Variants in COMMD1 observed in about 807,000 individuals in gnomAD.
COMMD1 encodes the protein COMM domain-containing protein 1.
In COMMD1, 10 loss-of-function variants were observed where a neutral mutation model predicts 17.2. That is an observed-to-expected ratio of 0.58 (90% confidence interval 0.36 to 0.99). COMMD1 has a LOEUF of 0.99. Ranked by LOEUF, COMMD1 falls within the 50% of genes least tolerant of loss-of-function variation. The probability of loss-of-function intolerance (pLI) is 0.01; values close to 1 mark genes in which losing one functional copy is unlikely to be tolerated. For missense variants in COMMD1, 270 were observed against 231.8 expected (o/e 1.17, Z -1.07); for synonymous variants, 97 against 91.6 (o/e 1.06, Z -0.34).
chr2:62,056,793 A>C (rs750615152), intron 2 of COMMD1, among the ~76,000 whole-genome samples: 1 of 152,224 alleles, frequency 6.6e-6, no homozygotes, highest in South Asian at 2.1e-4. Context: ...TGAATAAGCC[A>C]GTGGAATCGA....
At chr2:61,979,271 G>T (rs1410908153) in intron 1 of COMMD1, among the ~76,000 whole-genome samples, 2 of 152,134 alleles carry the variant, frequency 1.3e-5, no homozygotes, top group African/African-American at 4.8e-5. Flanking sequence ...GAGGTCAGGG[G>T]TTCGAGATCA....
chr2:62,097,647 G>A (rs1249066748), intron 2 of COMMD1, among the ~76,000 whole-genome samples: 1 of 152,284 alleles, frequency 6.6e-6, no homozygotes, highest in Non-Finnish European at 1.5e-5. Flanking sequence ...TAAGAAAAAG[G>A]TGATGCCTCA....
At chr2:62,113,486 C>T (rs1204721672) in intron 2 of COMMD1, among the ~76,000 whole-genome samples, 3 of 152,146 alleles carry the variant, frequency 2.0e-5, no homozygotes, top group South Asian at 2.1e-4. Context: ...CAGGTTCAAG[C>T]GATTCCCCTG....
intron 1 of COMMD1, among the ~76,000 whole-genome samples, chr2:61,897,619 C>T (rs1006155100): frequency 6.6e-6 from 1 of 152,090 alleles, no homozygotes; most frequent in Non-Finnish European, 1.5e-5. Flanking sequence ...CGTGGTGGTG[C>T]ATGCCTGTAA....
chr2:62,034,647 C>A (rs141917832), intron 2 of COMMD1, among the ~76,000 whole-genome samples: 2 of 152,104 alleles, frequency 1.3e-5, no homozygotes, highest in Non-Finnish European at 2.9e-5. Flanking sequence ...TGTAATTGGG[C>A]CATATCTACC....
chr2:62,081,296 G>C (rs1671510871), intron 2 of COMMD1, among the ~76,000 whole-genome samples: 1 of 149,610 alleles, frequency 6.7e-6, no homozygotes, highest in South Asian at 2.1e-4. Flanking sequence ...GTGTTGCCCA[G>C]GCTGGAGTGC....
rs1227035273 is a variant in COMMD1 at position 61,967,986 on chromosome 2, C to A, written c.181-32715C>A. ...GACCAGCCTGGCCAACACAATGAAA[C>A]CCTATCTCTACTAAAAATACAAAAA... On this transcript the variant is annotated intron_variant, in intron 1 of 2. Coordinates refer to ENST00000311832, the MANE Select transcript of COMMD1 (RefSeq NM_152516.4). Among the ~76,000 whole-genome samples, 5 of 152,190 alleles carry A rather than the reference C, an allele frequency of 3.3e-5. No homozygotes were observed. The East Asian group carries it at 9.6e-4, about 29-fold the overall frequency.
intron 2 of COMMD1, among the ~76,000 whole-genome samples, chr2:62,079,188 A>G (rs889872746): frequency 1.3e-5 from 2 of 152,190 alleles, no homozygotes; most frequent in African/African-American, 4.8e-5. Flanking sequence ...AGCGCAAAGT[A>G]AAAGCAGGTT....
chr2:62,061,349 G>A (rs182281758), intron 2 of COMMD1, among the ~76,000 whole-genome samples: 7 of 151,944 alleles, frequency 4.6e-5, no homozygotes, highest in East Asian at 3.9e-4. Flanking sequence ...TTTTGTGTTC[G>A]GAGGCAGTTA....
At chr2:62,089,485 T>C (rs1251887532) in intron 2 of COMMD1, among the ~76,000 whole-genome samples, 3 of 152,064 alleles carry the variant, frequency 2.0e-5, no homozygotes, top group Admixed American at 2.0e-4. Flanking sequence ...GATCTTGCCA[T>C]GTTGGCCAGG....
At chr2:61,941,457 A>G (rs1670745549) in intron 1 of COMMD1, among the ~76,000 whole-genome samples, 1 of 152,240 alleles carries the variant, frequency 6.6e-6, no homozygotes, top group Non-Finnish European at 1.5e-5. Context: ...CTTCAGATTT[A>G]CCATGAACTG....
Position 62,062,518 on chromosome 2 carries a change from A to G in COMMD1, c.462+61536A>G, listed in dbSNP as rs994505932. Among the ~76,000 whole-genome samples the G allele has an allele frequency of 1.3e-5, 2 of 152,026 alleles. 1 individual carries two copies. The highest frequency in any genetic ancestry group is 4.8e-5 in the African/African-American group (2 of 41,386). On this transcript the variant is annotated intron_variant, in intron 2 of 2. Coordinates refer to ENST00000311832, the MANE Select transcript of COMMD1 (RefSeq NM_152516.4). Reference sequence around the variant, plus strand: ...GCTGGGATTACAGGTGTGAGCCACCATGCCCGGCCTAGATACTGAGGATTT... The same window carrying G: ...GCTGGGATTACAGGTGTGAGCCACCGTGCCCGGCCTAGATACTGAGGATTT...
chr2:61,998,386 AG>A (rs1330268286), intron 1 of COMMD1, among the ~76,000 whole-genome samples: 1 of 151,600 alleles, frequency 6.6e-6, no homozygotes, highest in Non-Finnish European at 1.5e-5. Context: ...CAGCCTCCTG[AG>A]TAGTTGGGAT....
intron 1 of COMMD1, among the ~76,000 whole-genome samples, chr2:61,914,254 T>G (rs1298007252): frequency 6.6e-6 from 1 of 152,116 alleles, no homozygotes; most frequent in African/African-American, 2.4e-5. Context: ...TATCTACAAA[T>G]TGGAAATGGG....
intron 2 of COMMD1, among the ~76,000 whole-genome samples, chr2:62,133,758 T>A (rs1264484328): frequency 6.6e-6 from 1 of 152,174 alleles, no homozygotes; most frequent in Non-Finnish European, 1.5e-5. Context: ...AGACTCATCA[T>A]GGTGTCAGCT....
At chr2:62,061,335 A>AT (rs1295148123) in intron 2 of COMMD1, among the ~76,000 whole-genome samples, 2 of 152,110 alleles carry the variant, frequency 1.3e-5, no homozygotes, top group African/African-American at 4.8e-5. Context: ...AGAAATGTTG[A>AT]TTTTTTTGTG....
chr2:62,044,271 G>A lies in COMMD1; in HGVS notation c.462+43289G>A, dbSNP rs578093965. ...CTTTGCAGATTTACTTAAATTTGTGGCTGTTTAACAACTCTTCATTCTGCT... is the reference window on the plus strand; with the variant it reads ...CTTTGCAGATTTACTTAAATTTGTGACTGTTTAACAACTCTTCATTCTGCT... On this transcript the variant is annotated intron_variant, in intron 2 of 2. Coordinates refer to ENST00000311832, the MANE Select transcript of COMMD1 (RefSeq NM_152516.4). 5.9e-5 allele frequency among the ~76,000 whole-genome samples: 9 copies of A among 152,196 alleles called. No homozygotes were observed. In the East Asian group the frequency reaches 1.5e-3, roughly 26 times the overall value.
chr2:61,929,838 C>T (rs914237681), intron 1 of COMMD1, among the ~76,000 whole-genome samples: 3 of 151,996 alleles, frequency 2.0e-5, no homozygotes, highest in South Asian at 4.2e-4. Context: ...GTGGGAGGAT[C>T]ACCTGAGCCT....
chr2:61,932,065 G>A (rs1670479209), intron 1 of COMMD1, among the ~76,000 whole-genome samples: 1 of 152,218 alleles, frequency 6.6e-6, no homozygotes, highest in South Asian at 2.1e-4. Context: ...CGTGATCTCA[G>A]CTCACTGCAG....
Sources: allele counts gnomAD v4.1 joint callset (sites outside exome capture counted in the v4.1 genomes callset), GRCh38; gene constraint gnomAD v4.1.1; transcripts MANE v1.5; gene names NCBI Gene and HGNC (gene_info 2026-07-23, HGNC 2026-07-21).